The following GRM8 variants were observed in gnomAD, a reference collection of about 807,000 sequenced individuals.
GRM8 encodes the protein glutamate metabotropic receptor 8.
GRM8 carries 47 observed loss-of-function variants against 87.2 expected under a neutral mutation model. The observed-to-expected ratio is 0.54, with a 90% CI of 0.43 to 0.69. The LOEUF (loss-of-function observed/expected upper bound fraction) is 0.69, where lower values mean the gene tolerates loss of function less well. Among genes scored for constraint, GRM8 ranks in the 30% least tolerant of loss-of-function variants. The probability of loss-of-function intolerance (pLI) is 0.00; values close to 1 mark genes in which losing one functional copy is unlikely to be tolerated. For missense variants in GRM8, 1,019 were observed against 1,139.2 expected (o/e 0.89, Z 1.52); for synonymous variants, 396 against 404.5 (o/e 0.98, Z 0.25).
rs115924218 is a variant in GRM8 at position 126,468,376 on chromosome 7, A to G, written c.2431-22004T>C. ...ATTCCTTGGCCTTTCAATCCTTTTC[A>G]TTTCTCACTTGCAATAATCATTTTC... On this transcript the variant is annotated intron_variant, in intron 9 of 10. Transcript: ENST00000339582. Among the ~76,000 whole-genome samples, 619 of 151,946 alleles carry G rather than the reference A, an allele frequency of 4.1e-3. 4 individuals carry two copies. The highest frequency in any genetic ancestry group is 0.014 in the African/African-American group (600 of 41,452).
intron 7 of GRM8, among the ~76,000 whole-genome samples, chr7:126,689,820 G>T (rs754278654): frequency 3.3e-5 from 5 of 152,178 alleles, no homozygotes; most frequent in Non-Finnish European, 7.3e-5. Flanking sequence ...GCTTCTGCAT[G>T]ACCATGGGTA....
chr7:126,904,013 T>A lies in GRM8; in HGVS notation c.977A>T (p.Glu326Val). 6.4e-7 allele frequency: 1 copy of A among 1,571,752 alleles called. No homozygotes were observed. Among genetic ancestry groups the A allele is most frequent in the South Asian group, 1.1e-5 (1 of 90,000 alleles). The change falls in exon 5 of 11, where the codon GAA becomes GTA. Residue 326 changes from glutamate (E) to valine (V), a missense_variant. Physicochemically the swap from Glu to Val is moderately radical, Grantham distance 121. Coordinates refer to ENST00000339582, the MANE Select transcript of GRM8 (RefSeq NM_000845.3). ...APVYQQEEIAEGAVTILPKRA... is the reference protein window; with the variant it reads ...APVYQQEEIAVGAVTILPKRA... ...TTTGGGCAAAATTGTCACAGCCCCT[T>A]CTGCAATCTCCTCTTGCTGATAGAC...
intron 3 of GRM8, among the ~76,000 whole-genome samples, chr7:126,928,723 A>G (rs550235448): frequency 1.3e-5 from 2 of 152,242 alleles, no homozygotes; most frequent in East Asian, 3.9e-4. Context: ...TGCTGGCCTA[A>G]AAGATACATA....
At chr7:127,001,228 C>A (rs1813702536) in intron 3 of GRM8, among the ~76,000 whole-genome samples, 1 of 151,562 alleles carries the variant, frequency 6.6e-6, no homozygotes, top group South Asian at 2.1e-4. Flanking sequence ...TAAACTCTGA[C>A]CTTTCCTCAG....
At chr7:127,053,499 A>T (rs902514377) in intron 3 of GRM8, among the ~76,000 whole-genome samples, 1 of 152,200 alleles carries the variant, frequency 6.6e-6, no homozygotes, top group Admixed American at 6.5e-5. Context: ...TATTTCATTT[A>T]ACAGAAGGGG....
At chr7:126,923,176 C>T (rs577099047) in intron 3 of GRM8, among the ~76,000 whole-genome samples, 1 of 152,324 alleles carries the variant, frequency 6.6e-6, no homozygotes, top group South Asian at 2.1e-4. Context: ...ACTGTATTAT[C>T]TTATGCTGAT....
rs111691822 is a variant in GRM8, at chr7:126,728,466, G to A, written c.1357+41399C>T. On this transcript the variant is annotated intron_variant, in intron 7 of 10. Coordinates refer to ENST00000339582, the MANE Select transcript of GRM8 (RefSeq NM_000845.3). ...GAAAGCCTCCTAGATACTAGGAACT[G>A]GGCTTGGAGCTTTGTGTTCCAATTG... Among the ~76,000 whole-genome samples, 1,352 of 152,168 alleles carry A rather than the reference G, an allele frequency of 8.9e-3. 21 individuals carry two copies. Among genetic ancestry groups the A allele is most frequent in the African/African-American group, 0.03 (1,259 of 41,518 alleles).
chr7:127,046,373 AAAAAAAT>A (rs1206902130), intron 3 of GRM8, among the ~76,000 whole-genome samples: 6 of 150,600 alleles, frequency 4.0e-5, no homozygotes, highest in African/African-American at 1.5e-4. Context: ...CTCTGTCTCA[AAAAAAAT>A]AAAAAATAAA....
At chr7:126,958,079 T>C (rs1397494062) in intron 3 of GRM8, among the ~76,000 whole-genome samples, 1 of 152,140 alleles carries the variant, frequency 6.6e-6, no homozygotes, top group Non-Finnish European at 1.5e-5. Flanking sequence ...AGGGGTCTCC[T>C]CAACTTGTTG....
At position 126,602,467 on chromosome 7, in the gene GRM8, A is replaced by T. The variant is rs546011318; in HGVS notation, c.1494+6895T>A. 7.1e-3 allele frequency among the ~76,000 whole-genome samples: 943 copies of T among 131,970 alleles called. 9 individuals carry two copies. Among genetic ancestry groups the T allele is most frequent in the African/African-American group, 0.024 (889 of 37,316 alleles). 86.6% of individuals were successfully genotyped at this position (131,970 alleles called of 152,430 possible). ...TAAAGTAGTTTTTTCCAATTCTGTGAAGAAAGTCATTGGTAGCTTGATGGG... is the reference window on the plus strand; with the variant it reads ...TAAAGTAGTTTTTTCCAATTCTGTGTAGAAAGTCATTGGTAGCTTGATGGG... On this transcript the variant is annotated intron_variant, in intron 8 of 10. Transcript: ENST00000339582.
intron 2 of GRM8, among the ~76,000 whole-genome samples, chr7:127,147,333 G>A (rs987844898): frequency 6.6e-6 from 1 of 152,082 alleles, no homozygotes. Flanking sequence ...CTGTGGATGA[G>A]GGTCCTCTGA....
intron 2 of GRM8, among the ~76,000 whole-genome samples, chr7:127,128,651 G>A (rs1315961798): frequency 6.6e-6 from 1 of 152,076 alleles, no homozygotes; most frequent in Non-Finnish European, 1.5e-5. Context: ...CTACTTTATA[G>A]GTAAGAAAAC....
rs1234326112 is a variant in GRM8, at chr7:126,688,905, CT to C, written c.1358-79408del. Among the ~76,000 whole-genome samples the C allele has an allele frequency of 3.3e-5, 5 of 152,142 alleles. No individual in the cohort carries two copies. In the East Asian group the frequency reaches 9.7e-4, roughly 29 times the overall value. On this transcript the variant is annotated intron_variant, in intron 7 of 10. Transcript: ENST00000339582. ...TCCTCTACAAAAAAAAGGTTCACAC[CT>C]TTTTTGATGGTGTTACAGTGCTTTA...
At chr7:127,121,085 C>A (rs1041842352) in intron 2 of GRM8, among the ~76,000 whole-genome samples, 1 of 152,152 alleles carries the variant, frequency 6.6e-6, no homozygotes, top group Non-Finnish European at 1.5e-5. Context: ...ACCTTGTCAT[C>A]GATACATTTT....
chr7:126,503,686 A>C (rs1162832753), intron 9 of GRM8, among the ~76,000 whole-genome samples: 1 of 152,012 alleles, frequency 6.6e-6, no homozygotes, highest in African/African-American at 2.4e-5. Context: ...AATTCTTATA[A>C]AGTTAACATC....
intron 3 of GRM8, among the ~76,000 whole-genome samples, chr7:126,997,021 A>T (rs546100576): frequency 6.6e-6 from 1 of 152,026 alleles, no homozygotes; most frequent in East Asian, 1.9e-4. Flanking sequence ...TCTCACAGAC[A>T]GACCATATGT....
In GRM8 at chr7:126,831,482, G is replaced by A. The variant is rs540938414; in HGVS notation, c.1157-61417C>T. The stretch of plus-strand genomic sequence containing the variant: ...CTGTGCTAGCAATGAGAGAGACTCC[G>A]TGGGCGTAGGACACTCTGAGCCATG... On this transcript the variant is annotated intron_variant, in intron 6 of 10. Coordinates refer to ENST00000339582, the MANE Select transcript of GRM8 (RefSeq NM_000845.3). 7.2e-5 allele frequency among the ~76,000 whole-genome samples: 11 copies of A among 152,340 alleles called. No homozygotes were observed. In the South Asian group the frequency reaches 1.7e-3, roughly 23 times the overall value.
At chr7:127,225,454 A>G (rs182005920) in intron 2 of GRM8, among the ~76,000 whole-genome samples, 1 of 151,408 alleles carries the variant, frequency 6.6e-6, no homozygotes, top group African/African-American at 2.4e-5. Context: ...AAAAAGCCAA[A>G]AGCTATGCTT....
intron 9 of GRM8, among the ~76,000 whole-genome samples, chr7:126,520,118 AC>A (rs746399191): frequency 6.6e-6 from 1 of 152,114 alleles, no homozygotes; most frequent in Admixed American, 6.6e-5. Flanking sequence ...AGAAGGAAAA[AC>A]ATAGATCTAG....
Sources: allele counts gnomAD v4.1 joint callset (sites outside exome capture counted in the v4.1 genomes callset), GRCh38; gene constraint gnomAD v4.1.1; transcripts MANE v1.5; gene names NCBI Gene and HGNC (gene_info 2026-07-23, HGNC 2026-07-21).